The following UBA6 variants were observed in gnomAD, a reference collection of about 807,000 sequenced individuals.
UBA6 encodes the protein ubiquitin-like modifier-activating enzyme 6.
A neutral mutation model predicts 148.3 loss-of-function variants in UBA6; 87 were observed. That is an observed-to-expected ratio of 0.59 (90% CI 0.49 to 0.70). The LOEUF (loss-of-function observed/expected upper bound fraction) is 0.70. Ranked by LOEUF, UBA6 falls within the 30% of genes least tolerant of loss-of-function variation. The pLI is 0.00. For missense variants in UBA6, 1,186 were observed against 1,241.2 expected (o/e 0.96, Z 0.67); for synonymous variants, 376 against 401.0 (o/e 0.94, Z 0.75).
Position 67,631,901 on chromosome 4 carries a change from T to C in UBA6, c.2150A>G (p.Gln717Arg). Residue 717 changes from glutamine (Q) to arginine (R), a missense_variant, in exon 24 of 33, where the codon CAG becomes CGG. Gln to Arg is a conservative substitution (Grantham distance 43). Transcript: ENST00000322244. ...FEKYFNHKAL[Q>R]LLHCFPLDIR... is the part of the protein sequence containing the mutation. The stretch of plus-strand genomic sequence containing the variant: ...GTCCAGAGGGAAACAGTGAAGAAGC[T>C]GAAGAGCCTAAAGAAAAAAAATGAA... 6.2e-7 allele frequency: 1 copy of C among 1,611,210 alleles called. No individual in the cohort carries two copies. The highest frequency in any genetic ancestry group is 8.5e-7 in the Non-Finnish European group (1 of 1,178,814).
chr4:67,633,224 C>G, intron 23 of UBA6, 121 bp downstream of exon 23: 1 of 855,678 alleles, frequency 1.2e-6, no homozygotes, highest in Non-Finnish European at 1.7e-6. Context: ...TAACTTACTA[C>G]TAATTTCTGA....
At position 67,639,202 on chromosome 4, in the gene UBA6, G is replaced by A. The variant is rs1729244115; in HGVS notation, c.1555-78C>T. The A allele has an allele frequency of 5.3e-6, 6 of 1,141,616 alleles. No individual in the cohort carries two copies. In the African/African-American group the frequency reaches 6.2e-5, roughly 12 times the overall value. The allele number at this position is 1,141,616 out of a possible 1,614,324, so 70.7% of individuals were successfully genotyped here. A position where few individuals can be genotyped will look rare whatever the true frequency, so the allele number is the denominator to read the frequency against. ...ATGATTTTTCTATATATTCCAGAGT[G>A]ATAAGAATGTGTAAGTTCAGTCATA... On this transcript the variant is annotated intron_variant, in intron 18 of 32. Coordinates refer to ENST00000322244, the MANE Select transcript of UBA6 (RefSeq NM_018227.6).
At chr4:67,657,837 A>AT (rs1729738657) in intron 13 of UBA6, among the ~76,000 whole-genome samples, 1 of 150,664 alleles carries the variant, frequency 6.6e-6, no homozygotes, top group Non-Finnish European at 1.5e-5. Flanking sequence ...AAAAAAAAAA[A>AT]AAAAAAGAAA....
intron 7 of UBA6, among the ~76,000 whole-genome samples, chr4:67,671,188 A>C (rs1403916201): frequency 2.0e-5 from 3 of 152,196 alleles, no homozygotes; most frequent in Non-Finnish European, 4.4e-5. Flanking sequence ...AGAATTTGTA[A>C]AGAAATTATT....
At chr4:67,624,048 C>A in intron 30 of UBA6, 78 bp downstream of exon 30, 2 of 1,245,490 alleles carry the variant, frequency 1.6e-6, no homozygotes, top group Non-Finnish European at 2.2e-6. Flanking sequence ...AGAGGTGAAG[C>A]TAGTATTTTT....
Position 67,614,839 on chromosome 4 carries a change from T to C in UBA6, c.*4158A>G, listed in dbSNP as rs965352240. 3.3e-5 allele frequency: 5 copies of C among 150,962 alleles called. No homozygotes were observed. Among genetic ancestry groups the C allele is most frequent in the African/African-American group, 9.8e-5 (4 of 40,924 alleles). 9.4% of individuals were successfully genotyped at this position (150,962 alleles called of 1,614,324 possible). ...CAAAGAATAAGATTTATAAAGATCC[T>C]TTATGAATCAATGAGGAAAAAGATT... On this transcript the variant is annotated 3_prime_UTR_variant, in exon 33 of 33. Coordinates refer to ENST00000322244, the MANE Select transcript of UBA6 (RefSeq NM_018227.6).
chr4:67,683,463 A>G (rs1156768942), intron 2 of UBA6, among the ~76,000 whole-genome samples: 2 of 152,198 alleles, frequency 1.3e-5, no homozygotes, highest in African/African-American at 4.8e-5. Flanking sequence ...TCTCTGATAC[A>G]AGCTTGTCCA....
intron 13 of UBA6, among the ~76,000 whole-genome samples, chr4:67,653,095 A>G (rs1391234612): frequency 6.6e-6 from 1 of 152,212 alleles, no homozygotes; most frequent in Non-Finnish European, 1.5e-5. Flanking sequence ...CTCTGTGGGC[A>G]GGGCTTAGCT....
At chr4:67,664,473 C>A (rs750675879) in intron 10 of UBA6, among the ~76,000 whole-genome samples, 5 of 151,592 alleles carry the variant, frequency 3.3e-5, no homozygotes, top group Non-Finnish European at 7.4e-5. Flanking sequence ...TTGAACAAAG[C>A]CTTGTAAACG....
intron 14 of UBA6, among the ~76,000 whole-genome samples, chr4:67,648,716 G>A (rs1226014503): frequency 6.6e-6 from 1 of 152,106 alleles, no homozygotes; most frequent in Non-Finnish European, 1.5e-5. Flanking sequence ...GAACGTTCAT[G>A]ATAGTAAAAG....
chr4:67,682,620 C>T (rs545850260), intron 2 of UBA6, among the ~76,000 whole-genome samples: 3 of 151,836 alleles, frequency 2.0e-5, no homozygotes, highest in African/African-American at 7.2e-5. Flanking sequence ...GCAACAACAA[C>T]AAAAAAAATT....
chr4:67,662,587 C>T (rs1232511671), intron 12 of UBA6: 1 of 218,484 alleles, frequency 4.6e-6, no homozygotes, highest in Non-Finnish European at 8.9e-6. Context: ...CCTCAGCCTC[C>T]CAAGGAGCTG....
chr4:67,690,741 T>A (rs1292010086), intron 2 of UBA6, among the ~76,000 whole-genome samples: 1 of 151,742 alleles, frequency 6.6e-6, no homozygotes, highest in African/African-American at 2.4e-5. Context: ...CAATGAGAGA[T>A]CACCTCACAC....
Position 67,699,686 on chromosome 4 carries a change from G to C in UBA6, c.71+1363C>G, listed in dbSNP as rs190260676. Among the ~76,000 whole-genome samples, 450 of 151,968 alleles carry C rather than the reference G, an allele frequency of 3.0e-3. 2 individuals carry two copies. Among genetic ancestry groups the C allele is most frequent in the African/African-American group, 0.01 (424 of 41,426 alleles). On this transcript the variant is annotated intron_variant, in intron 1 of 32. Transcript: ENST00000322244. Reference sequence around the variant, plus strand: ...CACGATCTCGGCTCACTGCAGCCTCGATCTCTCTAGACTCAAGCGATCCTC... The same window carrying C: ...CACGATCTCGGCTCACTGCAGCCTCCATCTCTCTAGACTCAAGCGATCCTC...
chr4:67,627,573 G>A (rs922205920), intron 27 of UBA6, among the ~76,000 whole-genome samples: 2 of 151,884 alleles, frequency 1.3e-5, no homozygotes, highest in Non-Finnish European at 2.9e-5. Context: ...CATGGGCTGG[G>A]AACCTTCTTT....
chr4:67,687,934 AC>A (rs1460306026), intron 2 of UBA6, among the ~76,000 whole-genome samples: 1 of 152,206 alleles, frequency 6.6e-6, no homozygotes, highest in Admixed American at 6.5e-5. Flanking sequence ...TAAAGTTGGA[AC>A]CTGGCATTTA....
chr4:67,629,075 T>C lies in UBA6; in HGVS notation c.2396A>G (p.Asn799Ser), dbSNP rs779963568. 11 of 1,603,224 alleles carry C rather than the reference T, an allele frequency of 6.9e-6. No individual in the cohort carries two copies. Among genetic ancestry groups the C allele is most frequent in the South Asian group, 6.6e-5 (6 of 90,864 alleles). The change falls in exon 27 of 33, where the codon AAT becomes AGT. Residue 799 changes from asparagine (N) to serine (S), a missense_variant. By Grantham distance (46) the Asn-to-Ser change is conservative. Coordinates refer to ENST00000322244, the MANE Select transcript of UBA6 (RefSeq NM_018227.6). The part of the protein sequence containing the change: ...EVKIQEFKPS[N>S]KVVQTDETAR... ...TGAATGATTTTTTAAACATACCTTA[T>C]TGGAAGGCTTGAATTCCTGAATCTT...
chr4:67,701,100 A>G lies in UBA6; in HGVS notation c.20T>C (p.Val7Ala). The change falls in exon 1 of 33, where the codon GTG (valine) becomes GCG (alanine). Residue 7 changes from valine (V) to alanine (A), a missense_variant. By Grantham distance (64) the Val-to-Ala change is moderately conservative (BLOSUM62 0). Coordinates refer to ENST00000322244, the MANE Select transcript of UBA6 (RefSeq NM_018227.6). ...CGCCTCTTCCCCCTGATGGGCGGCC[A>G]CAGGCTCGGATCCTTCCATTGCCGC... is the stretch of plus-strand genomic sequence containing the variant. The part of the protein sequence containing the change: MEGSEP[V>A]AAHQGEEASC... 1 of 1,613,562 alleles carries G rather than the reference A, an allele frequency of 6.2e-7. No homozygotes were observed. Among genetic ancestry groups the G allele is most frequent in the Non-Finnish European group, 8.5e-7 (1 of 1,179,792 alleles).
At chr4:67,700,382 G>A (rs1033611643) in intron 1 of UBA6, among the ~76,000 whole-genome samples, 7 of 152,142 alleles carry the variant, frequency 4.6e-5, no homozygotes, top group African/African-American at 1.7e-4. Context: ...ATTATGAGAT[G>A]ATTGAAAGAG....
Sources: gnomAD v4.1 joint callset for allele counts (sites outside exome capture counted in the v4.1 genomes callset) on GRCh38, gnomAD v4.1.1 for gene constraint, MANE v1.5 for transcripts, NCBI Gene and HGNC (gene_info 2026-07-23, HGNC 2026-07-21) for gene names.